Variants in DYRK1A observed in about 807,000 individuals in gnomAD.
The protein encoded by DYRK1A is dual specificity tyrosine phosphorylation regulated kinase 1A, also known as dual specificity tyrosine-phosphorylation-regulated kinase 1A.
In DYRK1A, 9 loss-of-function variants were observed where a neutral mutation model predicts 79.7. The ratio of observed to expected loss-of-function variants is 0.11; its 90% confidence interval spans 0.07 to 0.20. The LOEUF is 0.20. Ranked by LOEUF, DYRK1A falls within the 10% of genes least tolerant of loss-of-function variation. The pLI is 1.00. For missense variants in DYRK1A, 622 were observed against 956.0 expected (o/e 0.65, Z 4.61); for synonymous variants, 349 against 329.7 (o/e 1.06, Z -0.63).
In DYRK1A at chr21:37,367,202, C is replaced by G. The variant is rs1433574581; in HGVS notation, c.-503C>G. The G allele has an allele frequency of 6.6e-6, 1 of 151,766 alleles. No individual in the cohort carries two copies. The highest frequency in any genetic ancestry group is 2.4e-5 in the African/African-American group (1 of 41,354). The allele number at this position is 151,766 out of a possible 1,614,324, so 9.4% of individuals were successfully genotyped here. On this transcript the variant is annotated 5_prime_UTR_variant, in exon 1 of 12. Transcript: ENST00000647188. ...GGTTCGGGCTCTCCTGGCGGAGGAGCCGCCGCCGCCGCCCGGGCCCCGGCG... is the reference window on the plus strand; with the variant it reads ...GGTTCGGGCTCTCCTGGCGGAGGAGGCGCCGCCGCCGCCCGGGCCCCGGCG...
rs149906979 is a variant in DYRK1A, at chr21:37,516,398, G to A, written c.*3867G>A. Reference sequence around the variant, plus strand: ...TCAGGGAGAGTAGAGGAGAAGTTCTGATTTTCATAACCCTGGTTTCTTATC... The same window carrying A: ...TCAGGGAGAGTAGAGGAGAAGTTCTAATTTTCATAACCCTGGTTTCTTATC... On this transcript the variant is annotated 3_prime_UTR_variant, in exon 12 of 12. Transcript: ENST00000647188. The A allele has an allele frequency of 4.9e-4, 74 of 152,324 alleles. No homozygotes were observed. Among genetic ancestry groups the A allele is most frequent in the African/African-American group, 1.5e-3 (62 of 41,580 alleles). The allele number at this position is 152,324 out of a possible 1,614,324, so 9.4% of individuals were successfully genotyped here. A position where few individuals can be genotyped will look rare whatever the true frequency, so the allele number is the denominator to read the frequency against.
At chr21:37,403,210 T>C (rs575623090) in intron 1 of DYRK1A, among the ~76,000 whole-genome samples, 3 of 152,262 alleles carry the variant, frequency 2.0e-5, no homozygotes, top group Non-Finnish European at 4.4e-5. Flanking sequence ...TTTTGTTCTT[T>C]TTTTTATAAT....
intron 2 of DYRK1A, among the ~76,000 whole-genome samples, chr21:37,457,286 G>T (rs2051683506): frequency 6.6e-6 from 1 of 152,142 alleles, no homozygotes; most frequent in Non-Finnish European, 1.5e-5. Flanking sequence ...AGACTGGAGT[G>T]CAGGGGCACG....
At chr21:37,384,782 C>T (rs1283354067) in intron 1 of DYRK1A, among the ~76,000 whole-genome samples, 3 of 151,846 alleles carry the variant, frequency 2.0e-5, no homozygotes, top group Non-Finnish European at 2.9e-5. Flanking sequence ...TTGGCAGAAA[C>T]GTGGAAGGTA....
At chr21:37,467,425 C>T (rs1277414505) in intron 2 of DYRK1A, among the ~76,000 whole-genome samples, 2 of 152,140 alleles carry the variant, frequency 1.3e-5, no homozygotes, top group African/African-American at 2.4e-5. Flanking sequence ...GAGATGGGGT[C>T]TCACTATGTT....
chr21:37,414,064 G>A (rs1476761977), intron 1 of DYRK1A, among the ~76,000 whole-genome samples: 4 of 151,986 alleles, frequency 2.6e-5, no homozygotes, highest in Admixed American at 1.3e-4. Flanking sequence ...TTGATATAAA[G>A]ATATATATGT....
At chr21:37,419,137 A>T (rs1176364377) in intron 1 of DYRK1A, 1 of 152,226 alleles carries the variant, frequency 6.6e-6, no homozygotes, top group Non-Finnish European at 1.5e-5. Flanking sequence ...TGGGCAAACT[A>T]TAATGGTTGT....
chr21:37,400,033 T>C (rs1334783124), intron 1 of DYRK1A, among the ~76,000 whole-genome samples: 1 of 152,182 alleles, frequency 6.6e-6, no homozygotes, highest in African/African-American at 2.4e-5. Context: ...ATCAGAATCA[T>C]TGAGCCTAAA....
At chr21:37,440,518 A>C (rs2051070870) in intron 2 of DYRK1A, among the ~76,000 whole-genome samples, 1 of 152,210 alleles carries the variant, frequency 6.6e-6, no homozygotes, top group Non-Finnish European at 1.5e-5. Flanking sequence ...AATAGAGATG[A>C]TTAATGCTAT....
chr21:37,369,702 G>T (rs1284000887), intron 1 of DYRK1A, among the ~76,000 whole-genome samples: 1 of 152,160 alleles, frequency 6.6e-6, no homozygotes, highest in East Asian at 1.9e-4. Context: ...TTTACCTGGT[G>T]GGTGTTGAAA....
intron 1 of DYRK1A, among the ~76,000 whole-genome samples, chr21:37,398,781 T>A (rs1324718692): frequency 1.3e-5 from 2 of 152,210 alleles, no homozygotes; most frequent in Non-Finnish European, 2.9e-5. Flanking sequence ...ATTTTCTTTT[T>A]ATGAATGAGC....
intron 1 of DYRK1A, among the ~76,000 whole-genome samples, chr21:37,376,476 CAG>C: frequency 6.6e-6 from 1 of 152,114 alleles, no homozygotes; most frequent in Middle Eastern, 3.4e-3. Context: ...GCCACTGCGA[CAG>C]AGTGAGACTT....
chr21:37,507,553 C>T (rs117924726), intron 11 of DYRK1A, among the ~76,000 whole-genome samples: 1 of 152,132 alleles, frequency 6.6e-6, no homozygotes, highest in Non-Finnish European at 1.5e-5. Flanking sequence ...CCAGTGGACA[C>T]CCTAATGCTG....
intron 1 of DYRK1A, among the ~76,000 whole-genome samples, chr21:37,389,927 T>TG (rs1445433974): frequency 6.8e-6 from 1 of 146,702 alleles, no homozygotes; most frequent in East Asian, 2.0e-4. Context: ...TGTTTTTTGT[T>TG]TTTTTTTTTT....
At chr21:37,455,230 T>C (rs141236040) in intron 2 of DYRK1A, among the ~76,000 whole-genome samples, 19 of 152,222 alleles carry the variant, frequency 1.2e-4, no homozygotes, top group East Asian at 1.2e-3. Context: ...TCCAGTGTTA[T>C]GGAGTTAACC....
rs986740172 is a variant in DYRK1A, at chr21:37,521,203, TG to T, written c.*8677del. On this transcript the variant is annotated 3_prime_UTR_variant, in exon 12 of 12. Coordinates refer to ENST00000647188, the MANE Select transcript of DYRK1A (RefSeq NM_001347721.2). ...GAGTTCTGACCATCTTCACTAGAAG[TG>T]GGGGCGGCTAGCAGTGACTAGATGC... 2.6e-5 allele frequency: 4 copies of T among 152,154 alleles called. No homozygotes were observed. The highest frequency in any genetic ancestry group is 4.8e-5 in the African/African-American group (2 of 41,436). 9.4% of individuals were successfully genotyped at this position (152,154 alleles called of 1,614,324 possible). A position where few individuals can be genotyped will look rare whatever the true frequency, so the allele number is the denominator to read the frequency against.
At chr21:37,497,163 C>T (rs990259702) in intron 9 of DYRK1A, among the ~76,000 whole-genome samples, 39 of 152,088 alleles carry the variant, frequency 2.6e-4, no homozygotes, top group African/African-American at 8.9e-4. Flanking sequence ...GACGCTGCCA[C>T]CAGGTGTCAT....
At chr21:37,443,364 G>T (rs2051167517) in intron 2 of DYRK1A, among the ~76,000 whole-genome samples, 1 of 152,110 alleles carries the variant, frequency 6.6e-6, no homozygotes, top group South Asian at 2.1e-4. Flanking sequence ...ATTCCTGATT[G>T]GTTTCCATTG....
chr21:37,447,666 C>A (rs1055044584), intron 2 of DYRK1A, among the ~76,000 whole-genome samples: 1 of 152,120 alleles, frequency 6.6e-6, no homozygotes, highest in Non-Finnish European at 1.5e-5. Flanking sequence ...ATTGTACTCA[C>A]GGCATTATAC....
Sources: gnomAD v4.1 joint callset for allele counts (sites outside exome capture counted in the v4.1 genomes callset) on GRCh38, gnomAD v4.1.1 for gene constraint, MANE v1.5 for transcripts, NCBI Gene and HGNC (gene_info 2026-07-23, HGNC 2026-07-21) for gene names.